Variants in ZNF658 observed in about 807,000 individuals in gnomAD.
ZNF658 encodes the protein zinc finger protein 658.
Under a neutral mutation model 78.0 loss-of-function variants are expected in ZNF658, and 46 were observed. The observed-to-expected ratio is 0.59, with a 90% CI of 0.47 to 0.75. The LOEUF is 0.75. Among genes scored for constraint, ZNF658 ranks in the 30% least tolerant of loss-of-function variants. The probability of loss-of-function intolerance (pLI) is 0.00; values close to 1 mark genes in which losing one functional copy is unlikely to be tolerated. For missense variants in ZNF658, 785 were observed against 1,189.3 expected (o/e 0.66, Z 5.00); for synonymous variants, 279 against 408.4 (o/e 0.68, Z 3.82).
In ZNF658 at chr9:66,917,931, C is replaced by A; in HGVS notation, c.365C>A (p.Pro122Gln). 1 of 1,611,018 alleles carries A rather than the reference C, an allele frequency of 6.2e-7. No homozygotes were observed. The highest frequency in any genetic ancestry group is 8.5e-7 in the Non-Finnish European group (1 of 1,179,636). Residue 122 changes from proline (P) to glutamine (Q), a missense_variant, in exon 5 of 5, where the codon CCA becomes CAA. Pro to Gln is a moderately conservative substitution (Grantham distance 76, BLOSUM62 -1). This residue lies in a region of ZNF658 where 54 missense variants were observed against 48.9 expected (regional missense o/e 1.10). Transcript: ENST00000621410. ...SKEGQKVLEK[P>Q]FNLEIAPELS... is the part of the protein sequence containing the mutation. Reference sequence around the variant, plus strand: ...GAAGGACAGAAAGTTTTAGAAAAACCATTTAATCTGGAAATAGCTCCAGAG... The same window carrying A: ...GAAGGACAGAAAGTTTTAGAAAAACAATTTAATCTGGAAATAGCTCCAGAG...
chr9:66,909,249 C>T (rs1470010421), intron 4 of ZNF658, among the ~76,000 whole-genome samples: 3 of 152,014 alleles, frequency 2.0e-5, no homozygotes, highest in Admixed American at 6.6e-5. Context: ...TTATCACTGT[C>T]CCATCCCCCC....
At chr9:66,910,289 A>C (rs1822184310) in intron 4 of ZNF658, among the ~76,000 whole-genome samples, 1 of 152,158 alleles carries the variant, frequency 6.6e-6, no homozygotes. Context: ...AAAAAGTTAT[A>C]GTTTTCAATG....
chr9:66,915,430 G>A (rs1224923212), intron 4 of ZNF658, among the ~76,000 whole-genome samples: 2 of 150,418 alleles, frequency 1.3e-5, no homozygotes, highest in African/African-American at 4.9e-5. Flanking sequence ...CTAGAATGCT[G>A]TTACAAAACG....
At chr9:66,927,183 A>C (rs1424991427) in intron 6 of ZNF658, among the ~76,000 whole-genome samples, 2 of 151,990 alleles carry the variant, frequency 1.3e-5, no homozygotes, top group African/African-American at 4.8e-5. Flanking sequence ...TAACAATCTG[A>C]TTTTTTAAAT....
Position 66,918,851 on chromosome 9 carries a change from CAG to C in ZNF658, c.1286_1287del (p.Gln429ProfsTer12), listed in dbSNP as rs1402030983. ...KSFCSSSHPIQHPGTYVGFKL... is the reference protein window; with the variant it reads ...KSFCSSSHPIXHPGTYVGFKL... Reference sequence around the variant, plus strand: ...CTTTTGTTCAAGTTCACATCCTATTCAGCATCCTGGAACTTATGTGGGATTCA... The same window carrying C: ...CTTTTGTTCAAGTTCACATCCTATTCCATCCTGGAACTTATGTGGGATTCA... On this transcript the variant is annotated frameshift_variant, in exon 5 of 5. Coordinates refer to ENST00000621410, the MANE Select transcript of ZNF658 (RefSeq NM_033160.7). LOFTEE classifies it high-confidence loss of function. 6.2e-7 allele frequency: 1 copy of C among 1,604,816 alleles called. No homozygotes were observed. The highest frequency in any genetic ancestry group is 1.4e-5 in the African/African-American group (1 of 74,068).
intron 1 of ZNF658, 120 bp from the exon 2 acceptor site, chr9:66,903,398 G>A (rs1821997332): frequency 5.9e-6 from 4 of 674,924 alleles, no homozygotes; most frequent in South Asian, 3.4e-5. Flanking sequence ...GATTACAGTG[G>A]GGTTATGTCG....
At chr9:66,909,777 T>C in intron 4 of ZNF658, among the ~76,000 whole-genome samples, 1 of 152,214 alleles carries the variant, frequency 6.6e-6, no homozygotes, top group Non-Finnish European at 1.5e-5. Context: ...TGAAGTGATA[T>C]CTCACTGTGG....
chr9:66,927,134 A>G (rs1223945215), intron 6 of ZNF658, among the ~76,000 whole-genome samples: 1 of 152,168 alleles, frequency 6.6e-6, no homozygotes, highest in African/African-American at 2.4e-5. Context: ...ATTAATTTCC[A>G]AAATACGTCA....
intron 4 of ZNF658, among the ~76,000 whole-genome samples, chr9:66,910,668 C>T (rs192332508): frequency 1.8e-4 from 28 of 152,112 alleles, no homozygotes; most frequent in Middle Eastern, 3.4e-3. Flanking sequence ...ATTAGCCAGG[C>T]ACCTGTAGTC....
rs1822144891 is a variant in ZNF658, at chr9:66,908,794, C to A, written c.238+60C>A. 18 of 1,447,306 alleles carry A rather than the reference C, an allele frequency of 1.2e-5. No homozygotes were observed. In the South Asian group the frequency reaches 1.8e-4, roughly 15 times the overall value. The allele number at this position is 1,447,306 out of a possible 1,614,324, so 89.7% of individuals were successfully genotyped here. A position where few individuals can be genotyped will look rare whatever the true frequency, so the allele number is the denominator to read the frequency against. On this transcript the variant is annotated intron_variant, in intron 4 of 4. Transcript: ENST00000621410. ...GTACTTAGTCTTTAGAGGGAGAGCA[C>A]CTTTGAAAGTTTTTTTGGAACAGCT...
intron 6 of ZNF658, among the ~76,000 whole-genome samples, chr9:66,931,595 C>T (rs1178001846): frequency 1.3e-5 from 2 of 148,798 alleles, no homozygotes; most frequent in African/African-American, 5.0e-5. Context: ...TATAAGGGAC[C>T]TTTGCGTACC....
At chr9:66,910,942 G>A (rs1822202225) in intron 4 of ZNF658, among the ~76,000 whole-genome samples, 1 of 151,722 alleles carries the variant, frequency 6.6e-6, no homozygotes, top group South Asian at 2.1e-4. Context: ...AGAGCACAGG[G>A]AAATGAAAAC....
rs1822400653 is a variant in ZNF658, at chr9:66,918,480, A to T, written c.914A>T (p.Asn305Ile). ...THYECNERGINFSRKSPLTQS... is the reference protein window; with the variant it reads ...THYECNERGIIFSRKSPLTQS... Reference sequence around the variant, plus strand: ...TATGAGTGTAATGAAAGGGGGATTAATTTCAGTAGGAAGTCACCCCTCACT... The same window carrying T: ...TATGAGTGTAATGAAAGGGGGATTATTTTCAGTAGGAAGTCACCCCTCACT... Residue 305 changes from asparagine to isoleucine, a missense_variant, in exon 5 of 5, where the codon AAT becomes ATT. By Grantham distance (149) the Asn-to-Ile change is moderately radical. Coordinates refer to ENST00000621410, the MANE Select transcript of ZNF658 (RefSeq NM_033160.7). 1.2e-6 allele frequency: 2 copies of T among 1,607,618 alleles called. No individual in the cohort carries two copies. Among genetic ancestry groups the T allele is most frequent in the Admixed American group, 3.3e-5 (2 of 59,950 alleles).
At chr9:66,923,184 T>TAAGTCCAA (rs1033225981), downstream of ZNF658, among the ~76,000 whole-genome samples, 1 of 148,986 alleles carries the variant, frequency 6.7e-6, no homozygotes, top group Non-Finnish European at 1.5e-5. Flanking sequence ...ACCACTGGTG[T>TAAGTCCAA]AAGTCCAAAA....
chr9:66,928,730 T>C (rs1179674760), intron 6 of ZNF658, among the ~76,000 whole-genome samples: 2 of 145,624 alleles, frequency 1.4e-5, no homozygotes, highest in Non-Finnish European at 3.0e-5. Context: ...AGATTTACAA[T>C]AGCAGCAAAA....
intron 4 of ZNF658, among the ~76,000 whole-genome samples, chr9:66,909,122 A>G (rs1163609156): frequency 6.6e-6 from 1 of 151,882 alleles, no homozygotes; most frequent in East Asian, 1.9e-4. Flanking sequence ...GCATTTGTGG[A>G]TTTTGGTATT....
At chr9:66,925,616 A>G (rs1822578616), downstream of ZNF658, among the ~76,000 whole-genome samples, 1 of 152,092 alleles carries the variant, frequency 6.6e-6, no homozygotes. Flanking sequence ...CCAACAAAGC[A>G]AAGCCTCCGA....
At position 66,920,451 on chromosome 9, in the gene ZNF658, G is replaced by C; in HGVS notation, c.2885G>C (p.Gly962Ala). ...AGAGTACATCAAAGAATTCACACAG[G>C]GGAGAAATCCTATGAATGTAATGAT... The part of the protein sequence containing the change: ...TLRVHQRIHT[G>A]EKSYECNDCG... Residue 962 changes from glycine to alanine, a missense_variant, in exon 5 of 5, where the codon GGG becomes GCG. Physicochemically the swap from Gly to Ala is moderately conservative, Grantham distance 60 (BLOSUM62 0). This residue lies in a region of ZNF658 where 85 missense variants were observed against 108.6 expected (regional missense o/e 0.78). Coordinates refer to ENST00000621410, the MANE Select transcript of ZNF658 (RefSeq NM_033160.7). 1 of 1,606,780 alleles carries C rather than the reference G, an allele frequency of 6.2e-7. No individual in the cohort carries two copies.
Position 66,918,292 on chromosome 9 carries a change from C to T in ZNF658, c.726C>T (p.Ser242=). The T allele has an allele frequency of 6.2e-7, 1 of 1,613,712 alleles. No homozygotes were observed. Among genetic ancestry groups the T allele is most frequent in the Non-Finnish European group, 8.5e-7 (1 of 1,179,808 alleles). ...TPQSFLTGEK[S]CKDDEFRKNF... is the part of the protein sequence containing the mutation. ...AGAGTTTTCTAACAGGAGAAAAGTCCTGTAAGGATGATGAATTTAGAAAAA... is the reference window on the plus strand; with the variant it reads ...AGAGTTTTCTAACAGGAGAAAAGTCTTGTAAGGATGATGAATTTAGAAAAA... The change falls in exon 5 of 5, where the codon TCC becomes TCT. Residue 242 remains serine, a synonymous_variant. Coordinates refer to ENST00000621410, the MANE Select transcript of ZNF658 (RefSeq NM_033160.7).
Sources: allele counts gnomAD v4.1 joint callset (sites outside exome capture counted in the v4.1 genomes callset), GRCh38; gene constraint gnomAD v4.1.1; regional missense constraint gnomAD v4.1.1; transcripts MANE v1.5; gene names NCBI Gene and HGNC (gene_info 2026-07-23, HGNC 2026-07-21).